The following ATP2A2 variants were observed in gnomAD, a reference collection of about 807,000 sequenced individuals.
The protein encoded by ATP2A2 is sarcoplasmic/endoplasmic reticulum calcium ATPase 2.
Under a neutral mutation model 109.3 loss-of-function variants are expected in ATP2A2, and 14 were observed. The ratio of observed to expected loss-of-function variants is 0.13; its 90% CI spans 0.08 to 0.20. The LOEUF (loss-of-function observed/expected upper bound fraction) is 0.20. Ranked by LOEUF, ATP2A2 falls within the 10% of genes least tolerant of loss-of-function variation. ATP2A2 has a pLI of 1.00. For missense variants in ATP2A2, 657 were observed against 1,321.6 expected, an observed-to-expected ratio of 0.50 and a Z score of 7.80; for synonymous variants, 506 against 490.9, an observed-to-expected ratio of 1.03 and a Z score of -0.41.
At position 110,347,082 on chromosome 12, in the gene ATP2A2, G is replaced by GTGATGGTTCGTTCTGTTTACATCAGTTTT. The variant is rs1268915717; in HGVS notation, c.*613_*641dup. 1 of 1,030,722 alleles carries GTGATGGTTCGTTCTGTTTACATCAGTTTT rather than the reference G, an allele frequency of 9.7e-7. No homozygotes were observed. The highest frequency in any genetic ancestry group is 1.1e-6 in the Non-Finnish European group (1 of 871,304). The allele number at this position is 1,030,722 out of a possible 1,614,324, so 63.8% of individuals were successfully genotyped here. On this transcript the variant is annotated 3_prime_UTR_variant, in exon 20 of 20. Transcript: ENST00000539276. ...CCCGCTTGGCTTCTTCTTTAGGATT[G>GTGATGGTTCGTTCTGTTTACATCAGTTTT]TGATGGTTCGTTCTGTTTACATCAG...
At position 110,347,549 on chromosome 12, in the gene ATP2A2, A is replaced by G; in HGVS notation, c.*1079A>G. On this transcript the variant is annotated 3_prime_UTR_variant, in exon 20 of 20. Coordinates refer to ENST00000539276, the MANE Select transcript of ATP2A2 (RefSeq NM_170665.4). ...AAGTTTCTGCTGGCCTGGTATAGAG[A>G]ACATAAGGGCAAGTGTGTATGTGTG... The G allele has an allele frequency of 7.8e-7, 1 of 1,287,028 alleles. No homozygotes were observed. The highest frequency in any genetic ancestry group is 1.2e-5 in the South Asian group (1 of 80,908). 79.7% of individuals were successfully genotyped at this position (1,287,028 alleles called of 1,614,324 possible).
intron 1 of ATP2A2, 98 bp from the exon 2 acceptor site, chr12:110,282,506 C>T: frequency 6.9e-7 from 1 of 1,445,214 alleles, no homozygotes. Flanking sequence ...AGAATTGTAG[C>T]AGTTCTTTTT....
intron 5 of ATP2A2, among the ~76,000 whole-genome samples, chr12:110,322,006 T>A (rs896059431): frequency 4.6e-5 from 7 of 152,258 alleles, no homozygotes; most frequent in African/African-American, 7.2e-5. Flanking sequence ...TTTTTTTTTT[T>A]ATGAGACGGA....
At position 110,348,497 on chromosome 12, in the gene ATP2A2, G is replaced by A. The variant is rs1173691821; in HGVS notation, c.*2027G>A. 12 of 985,514 alleles carry A rather than the reference G, an allele frequency of 1.2e-5. No individual in the cohort carries two copies. The highest frequency in any genetic ancestry group is 1.3e-5 in the Non-Finnish European group (11 of 830,002). 61.0% of individuals were successfully genotyped at this position (985,514 alleles called of 1,614,324 possible). A position where few individuals can be genotyped will look rare whatever the true frequency, so the allele number is the denominator to read the frequency against. On this transcript the variant is annotated 3_prime_UTR_variant, in exon 20 of 20. Coordinates refer to ENST00000539276, the MANE Select transcript of ATP2A2 (RefSeq NM_170665.4). ...TTTGGGGAGGGTTAGGAGGCATCAA[G>A]CAGGACAAGGTGCTGCTGAGTTCAG...
intron 5 of ATP2A2, among the ~76,000 whole-genome samples, chr12:110,319,726 C>A (rs1025130912): frequency 6.6e-6 from 1 of 150,954 alleles, no homozygotes; most frequent in Non-Finnish European, 1.5e-5. Flanking sequence ...CCTGTACTAC[C>A]TGTTGGTCCT....
intron 16 of ATP2A2, among the ~76,000 whole-genome samples, chr12:110,343,724 G>A (rs892841771): frequency 6.6e-6 from 1 of 152,186 alleles, no homozygotes; most frequent in African/African-American, 2.4e-5. Flanking sequence ...AATGATTCAC[G>A]CTAGGTTCTG....
At chr12:110,313,417 A>G (rs1410245612) in intron 5 of ATP2A2, among the ~76,000 whole-genome samples, 4 of 142,732 alleles carry the variant, frequency 2.8e-5, no homozygotes, top group East Asian at 2.0e-4. Flanking sequence ...GGTTCACGCC[A>G]TTCTCCTGCC....
chr12:110,306,496 T>C lies in ATP2A2; in HGVS notation c.463+9759T>C, dbSNP rs141334498. 1.4e-4 allele frequency among the ~76,000 whole-genome samples: 22 copies of C among 152,200 alleles called. No individual in the cohort carries two copies. In the East Asian group the frequency reaches 2.3e-3, roughly 16 times the overall value. On this transcript the variant is annotated intron_variant, in intron 5 of 19. Coordinates refer to ENST00000539276, the MANE Select transcript of ATP2A2 (RefSeq NM_170665.4). ...GAGTATAGTACTTCACAGATAGTTT[T>C]TCAGCCCTCGCCCCTCTTTCCCTCC... is the stretch of plus-strand genomic sequence containing the variant.
At chr12:110,345,971 T>C (rs1257367062) in intron 18 of ATP2A2, 30 bp from the exon 19 acceptor site, 4 of 1,607,976 alleles carry the variant, frequency 2.5e-6, no homozygotes, top group Admixed American at 1.7e-5. Context: ...GCCTTGGGGG[T>C]GCGTTTCCCC....
At chr12:110,324,265 T>C (rs545876990) in intron 6 of ATP2A2, among the ~76,000 whole-genome samples, 18 of 152,188 alleles carry the variant, frequency 1.2e-4, no homozygotes, top group African/African-American at 3.6e-4. Context: ...GGCTCTATTT[T>C]TTTTGGTATT....
At chr12:110,345,097 T>G (rs1879717611) in intron 17 of ATP2A2, 126 bp downstream of exon 17, 1 of 1,494,926 alleles carries the variant, frequency 6.7e-7, no homozygotes, top group African/African-American at 1.4e-5. Context: ...TCTAAGATGA[T>G]TCTGAAGGAC....
intron 5 of ATP2A2, among the ~76,000 whole-genome samples, chr12:110,322,214 G>A (rs948718290): frequency 6.6e-6 from 1 of 152,142 alleles, no homozygotes; most frequent in South Asian, 2.1e-4. Flanking sequence ...TTATACCATT[G>A]GAAGTTGTCA....
intron 3 of ATP2A2, among the ~76,000 whole-genome samples, chr12:110,291,640 CTT>C (rs34738611): frequency 0.019 from 2,166 of 116,202 alleles, 37 homozygotes; most frequent in African/African-American, 0.07. Flanking sequence ...GTGCTAGCCA[CTT>C]TTTTTTTTTT....
intron 5 of ATP2A2, among the ~76,000 whole-genome samples, chr12:110,313,314 T>C (rs1438527804): frequency 9.4e-6 from 1 of 106,134 alleles, no homozygotes; most frequent in Non-Finnish European, 1.9e-5. Flanking sequence ...CCTTTCCTTT[T>C]TTTTTTTTTT....
intron 9 of ATP2A2, 29 bp from the exon 10 acceptor site, chr12:110,333,152 T>C (rs1241356775): frequency 6.3e-7 from 1 of 1,580,562 alleles, no homozygotes; most frequent in East Asian, 2.2e-5. Flanking sequence ...GACCATACCC[T>C]GCTCTAAGAG....
At position 110,281,813 on chromosome 12, in the gene ATP2A2, G is replaced by A. The variant is rs1354836126; in HGVS notation, c.24G>A (p.Thr8=). ...CCATGGAGAACGCGCACACCAAGAC[G>A]GTGGAGGAGGTGCTGGGCCACTTCG... MENAHTK[T]VEEVLGHFGV... The change falls in exon 1 of 20, where the codon ACG becomes ACA. Residue 8 remains threonine (T), a synonymous_variant. Coordinates refer to ENST00000539276, the MANE Select transcript of ATP2A2 (RefSeq NM_170665.4). 8 of 1,546,690 alleles carry A rather than the reference G, an allele frequency of 5.2e-6. No individual in the cohort carries two copies. The highest frequency in any genetic ancestry group is 6.1e-6 in the Non-Finnish European group (7 of 1,147,406).
chr12:110,306,578 G>A (rs1421080728), intron 5 of ATP2A2, among the ~76,000 whole-genome samples: 1 of 152,148 alleles, frequency 6.6e-6, no homozygotes, highest in Non-Finnish European at 1.5e-5. Context: ...TGTGTACTCA[G>A]TGTTTAGCTC....
chr12:110,318,368 A>C (rs958316256), intron 5 of ATP2A2, among the ~76,000 whole-genome samples: 1 of 152,226 alleles, frequency 6.6e-6, no homozygotes, highest in Non-Finnish European at 1.5e-5. Flanking sequence ...TCCTTAGAGA[A>C]GGCTACTTTT....
intron 5 of ATP2A2, among the ~76,000 whole-genome samples, chr12:110,317,517 A>G (rs1232113583): frequency 6.6e-6 from 1 of 151,986 alleles, no homozygotes; most frequent in African/African-American, 2.4e-5. Context: ...AGCTACAATT[A>G]TAGGCGCCCG....
Sources: allele counts gnomAD v4.1 joint callset (sites outside exome capture counted in the v4.1 genomes callset), GRCh38; gene constraint gnomAD v4.1.1; transcripts MANE v1.5; gene names NCBI Gene and HGNC (gene_info 2026-07-23, HGNC 2026-07-21).